Variants in IGF2BP3 observed in about 807,000 individuals in gnomAD.
The protein encoded by IGF2BP3 is insulin-like growth factor 2 mRNA-binding protein 3.
IGF2BP3 carries 9 observed loss-of-function variants against 73.8 expected under a neutral mutation model. The observed-to-expected ratio is 0.12, with a 90% confidence interval of 0.07 to 0.21. IGF2BP3 has a LOEUF of 0.21. Among genes scored for constraint, IGF2BP3 ranks in the 10% least tolerant of loss-of-function variants. The pLI is 1.00. For synonymous variants in IGF2BP3, 258 were observed against 256.7 expected (o/e 1.01, Z -0.05); for missense variants, 542 against 714.0 (o/e 0.76, Z 2.75).
chr7:23,312,130 T>G lies in IGF2BP3; in HGVS notation c.*232A>C. On this transcript the variant is annotated 3_prime_UTR_variant, in exon 15 of 15. Coordinates refer to ENST00000258729, the MANE Select transcript of IGF2BP3 (RefSeq NM_006547.3). ...CTCTTTCCCTCCCTCCCCCACCCTT[T>G]TTTTGTTTGTTTGTTTGTTTGTTTT... 6.8e-6 allele frequency: 3 copies of G among 439,656 alleles called. No homozygotes were observed. The highest frequency in any genetic ancestry group is 4.0e-6 in the Non-Finnish European group (1 of 247,306). 27.2% of individuals were successfully genotyped at this position (439,656 alleles called of 1,614,324 possible). A position where few individuals can be genotyped will look rare whatever the true frequency, so the allele number is the denominator to read the frequency against.
chr7:23,323,778 G>A (rs1418101570), intron 10 of IGF2BP3, among the ~76,000 whole-genome samples: 1 of 152,058 alleles, frequency 6.6e-6, no homozygotes, highest in Non-Finnish European at 1.5e-5. Flanking sequence ...ACTCAAAACT[G>A]CTCAACTACA....
At chr7:23,351,228 G>T in intron 6 of IGF2BP3, 77 bp downstream of exon 6, 1 of 1,530,954 alleles carries the variant, frequency 6.5e-7, no homozygotes, top group Non-Finnish European at 8.9e-7. Context: ...AGGGCACCAA[G>T]TACCAGAACG....
chr7:23,380,691 C>G (rs562622858), intron 3 of IGF2BP3, among the ~76,000 whole-genome samples: 96 of 152,326 alleles, frequency 6.3e-4, no homozygotes, highest in Middle Eastern at 6.8e-3. Flanking sequence ...ACCAGTACCT[C>G]TGAATATAGC....
chr7:23,441,574 TAAAAAAAAA>T (rs769391858), intron 2 of IGF2BP3, among the ~76,000 whole-genome samples: 94 of 56,956 alleles, frequency 1.7e-3, no homozygotes, highest in African/African-American at 6.0e-3. Context: ...CTCCATCTCT[TAAAAAAAAA>T]AAAAAAAAAA....
chr7:23,361,029 A>G (rs1201268198), intron 5 of IGF2BP3, among the ~76,000 whole-genome samples: 1 of 152,190 alleles, frequency 6.6e-6, no homozygotes, highest in Non-Finnish European at 1.5e-5. Flanking sequence ...GCACTGGAAT[A>G]TATTTTTTTC....
At chr7:23,463,004 C>T (rs530941431) in intron 2 of IGF2BP3, among the ~76,000 whole-genome samples, 9 of 152,108 alleles carry the variant, frequency 5.9e-5, no homozygotes, top group Non-Finnish European at 1.3e-4. Context: ...CCAATCCTAC[C>T]CCTTGGTCAT....
In IGF2BP3 at chr7:23,469,833, C is replaced by T. The variant is rs920811397; in HGVS notation, c.175+103G>A. The T allele has an allele frequency of 8.6e-6, 6 of 696,384 alleles. No homozygotes were observed. Among genetic ancestry groups the T allele is most frequent in the African/African-American group, 7.5e-5 (4 of 53,024 alleles). 43.1% of individuals were successfully genotyped at this position (696,384 alleles called of 1,614,324 possible). ...TGGGCGCTCAGGCCTCACCCCCGCT[C>T]CCCCAGCGCGCCGGGCCTGGGGCCC... On this transcript the variant is annotated intron_variant, in intron 1 of 14. Coordinates refer to ENST00000258729, the MANE Select transcript of IGF2BP3 (RefSeq NM_006547.3). This position sits in a 1 kb window ranked among gnomAD's most constrained non-coding sequence, Gnocchi z 6.1.
At chr7:23,345,592 T>C (rs941022219) in intron 8 of IGF2BP3, among the ~76,000 whole-genome samples, 3 of 152,246 alleles carry the variant, frequency 2.0e-5, no homozygotes, top group Non-Finnish European at 2.9e-5. Context: ...GAGCAATTAA[T>C]GTTCACATTG....
chr7:23,410,165 T>C (rs775823561), intron 3 of IGF2BP3, among the ~76,000 whole-genome samples: 6 of 151,910 alleles, frequency 3.9e-5, no homozygotes, highest in Non-Finnish European at 8.8e-5. Flanking sequence ...CGACACTCCA[T>C]CTTAAAATTT....
intron 2 of IGF2BP3, among the ~76,000 whole-genome samples, chr7:23,462,710 T>C (rs1035016900): frequency 6.6e-6 from 1 of 152,202 alleles, no homozygotes; most frequent in African/African-American, 2.4e-5. Context: ...TCAAGTTATA[T>C]GGTCTCAGGA....
chr7:23,333,621 C>T (rs1451821232), intron 10 of IGF2BP3, among the ~76,000 whole-genome samples: 1 of 151,868 alleles, frequency 6.6e-6, no homozygotes, highest in East Asian at 1.9e-4. Flanking sequence ...CAAAATGTAA[C>T]AGAAAAAAAG....
At chr7:23,396,113 G>A (rs1046220874) in intron 3 of IGF2BP3, among the ~76,000 whole-genome samples, 1 of 150,100 alleles carries the variant, frequency 6.7e-6, no homozygotes, top group African/African-American at 2.5e-5. Context: ...CACTTTCAGT[G>A]AGTGAATACT....
intron 3 of IGF2BP3, among the ~76,000 whole-genome samples, chr7:23,382,381 G>A (rs1785940629): frequency 6.6e-6 from 1 of 151,586 alleles, no homozygotes; most frequent in Admixed American, 6.6e-5. Flanking sequence ...AATGAAATTT[G>A]ATCTTACCAG....
intron 10 of IGF2BP3, among the ~76,000 whole-genome samples, chr7:23,322,726 G>C (rs1266791336): frequency 2.6e-5 from 4 of 152,206 alleles, no homozygotes; most frequent in African/African-American, 9.6e-5. Flanking sequence ...AGATCTCTCA[G>C]CAGAAACTCT....
At chr7:23,381,168 T>C (rs976558876) in intron 3 of IGF2BP3, among the ~76,000 whole-genome samples, 1 of 152,226 alleles carries the variant, frequency 6.6e-6, no homozygotes, top group Non-Finnish European at 1.5e-5. Flanking sequence ...ATCCACACAG[T>C]AATCAGCCAC....
intron 2 of IGF2BP3, among the ~76,000 whole-genome samples, chr7:23,449,462 A>T (rs1030595808): frequency 2.6e-5 from 4 of 151,748 alleles, no homozygotes; most frequent in Non-Finnish European, 5.9e-5. Flanking sequence ...GCTTGCAGTG[A>T]GCCGAGATAG....
At chr7:23,331,721 G>C (rs1379128454) in intron 10 of IGF2BP3, among the ~76,000 whole-genome samples, 5 of 151,998 alleles carry the variant, frequency 3.3e-5, no homozygotes, top group Non-Finnish European at 7.4e-5. Flanking sequence ...TTAGCTGGGC[G>C]TGGTGGCGTG....
intron 10 of IGF2BP3, among the ~76,000 whole-genome samples, chr7:23,322,322 C>T (rs1010827581): frequency 9.2e-5 from 14 of 151,814 alleles, no homozygotes; most frequent in East Asian, 1.9e-4. Context: ...AGGGTATCAG[C>T]GATGGAAGAT....
chr7:23,351,296 C>T lies in IGF2BP3; in HGVS notation c.683+9G>A, dbSNP rs371105084. ...TCATGAACACCCACCACACACTCAG[C>T]ATACTCACTTAGACTGGGTCTGTTT... On this transcript the variant is annotated intron_variant, in intron 6 of 14. Coordinates refer to ENST00000258729, the MANE Select transcript of IGF2BP3 (RefSeq NM_006547.3). 6.2e-7 allele frequency: 1 copy of T among 1,613,084 alleles called. No individual in the cohort carries two copies. Among genetic ancestry groups the T allele is most frequent in the African/African-American group, 1.3e-5 (1 of 74,890 alleles).
Sources: allele counts gnomAD v4.1 joint callset (sites outside exome capture counted in the v4.1 genomes callset), GRCh38; gene constraint gnomAD v4.1.1; non-coding constraint Gnocchi (gnomAD v3.1); transcripts MANE v1.5; gene names NCBI Gene and HGNC (gene_info 2026-07-23, HGNC 2026-07-21).